The following GABRR2 variants were observed in gnomAD, a reference collection of about 807,000 sequenced individuals.
GABRR2 encodes the protein gamma-aminobutyric acid type A receptor subunit rho2, also known as gamma-aminobutyric acid receptor subunit rho-2.
A neutral mutation model predicts 47.0 loss-of-function variants in GABRR2; 36 were observed. The observed-to-expected ratio is 0.77, with a 90% CI of 0.59 to 1.01. The LOEUF is 1.01. Among genes scored for constraint, GABRR2 ranks in the 50% least tolerant of loss-of-function variants. The pLI, the probability that GABRR2 is intolerant of heterozygous loss-of-function variation, is 0.00. For synonymous variants in GABRR2, 204 were observed against 227.5 expected (o/e 0.90, Z 0.93); for missense variants, 587 against 594.6 (o/e 0.99, Z 0.13).
Position 89,299,749 on chromosome 6 carries a change from ACAGTCCTACCTCCGAAGG to A in GABRR2, c.212_220+9del, listed in dbSNP as rs1774616665. ...ACCTCCCACCTGGCATCAAGGAAGA[ACAGTCCTACCTCCGAAGG>A]CGGGTCTCATGCTGAAGTCGTGCTC... On this transcript the variant is annotated splice_donor_variant and splice_donor_5th_base_variant and coding_sequence_variant and intron_variant, in exon 2 of 9. Coordinates refer to ENST00000402938, the MANE Select transcript of GABRR2 (RefSeq NM_002043.5). LOFTEE classifies it high-confidence loss of function. The A allele has an allele frequency of 6.2e-7, 1 of 1,602,070 alleles. No individual in the cohort carries two copies. Among genetic ancestry groups the A allele is most frequent in the Non-Finnish European group, 8.6e-7 (1 of 1,169,114 alleles).
At chr6:89,302,554 C>G in intron 1 of GABRR2, 4 of 946,600 alleles carry the variant, frequency 4.2e-6, no homozygotes, top group Non-Finnish European at 6.4e-6. Flanking sequence ...GGGTGCCCTT[C>G]CCCTGCCTGC....
intron 8 of GABRR2, among the ~76,000 whole-genome samples, 157 bp downstream of exon 8, chr6:89,264,255 G>A (rs1415791844): frequency 6.6e-6 from 1 of 152,136 alleles, no homozygotes; most frequent in African/African-American, 2.4e-5. Context: ...ATCCTTTGGG[G>A]TAGAAGCCAG....
intron 2 of GABRR2, among the ~76,000 whole-genome samples, chr6:89,292,313 G>A (rs1475563408): frequency 1.4e-5 from 2 of 142,934 alleles, no homozygotes. Flanking sequence ...AGCCGCTGTG[G>A]AAAACAGCAT....
chr6:89,312,076 G>T (rs1429747707), intron 1 of GABRR2, among the ~76,000 whole-genome samples: 2 of 152,182 alleles, frequency 1.3e-5, no homozygotes, highest in African/African-American at 4.8e-5. Flanking sequence ...GCTACAGAGG[G>T]GGCTCCACGT....
At chr6:89,259,607 G>T (rs984945711) in intron 8 of GABRR2, among the ~76,000 whole-genome samples, 4 of 152,002 alleles carry the variant, frequency 2.6e-5, no homozygotes, top group Non-Finnish European at 4.4e-5. Context: ...AGGGTCAAGC[G>T]ATTCTCCTGC....
chr6:89,308,477 T>TA (rs545206293), intron 1 of GABRR2, among the ~76,000 whole-genome samples: 33 of 151,752 alleles, frequency 2.2e-4, no homozygotes, highest in South Asian at 8.3e-4. Flanking sequence ...AGTGTGATAA[T>TA]AAAAAAAAAT....
At chr6:89,292,062 G>A (rs1774450802) in intron 2 of GABRR2, among the ~76,000 whole-genome samples, 1 of 152,044 alleles carries the variant, frequency 6.6e-6, no homozygotes, top group African/African-American at 2.4e-5. Flanking sequence ...GGTCGCTAGG[G>A]CCAAGGACTG....
At chr6:89,299,634 A>G (rs1774614987) in intron 2 of GABRR2, 125 bp downstream of exon 2, 5 of 645,548 alleles carry the variant, frequency 7.7e-6, no homozygotes, top group African/African-American at 3.7e-5. Flanking sequence ...AAATGGAGTC[A>G]GATTTATGTG....
chr6:89,294,807 C>T (rs1774529004), intron 2 of GABRR2, among the ~76,000 whole-genome samples: 1 of 121,592 alleles, frequency 8.2e-6, no homozygotes, highest in Admixed American at 1.0e-4. Flanking sequence ...CACCCCACAA[C>T]AGGCCCTGGT....
chr6:89,263,496 C>T (rs1242849838), intron 8 of GABRR2, among the ~76,000 whole-genome samples: 1 of 152,100 alleles, frequency 6.6e-6, no homozygotes, highest in Non-Finnish European at 1.5e-5. Flanking sequence ...TAGTACAGTA[C>T]AGTACATTAT....
chr6:89,309,399 C>T (rs1171121748), intron 1 of GABRR2, among the ~76,000 whole-genome samples: 1 of 152,030 alleles, frequency 6.6e-6, no homozygotes, highest in Non-Finnish European at 1.5e-5. Context: ...CCTTTCATGG[C>T]TCATTCCCAC....
chr6:89,299,386 A>C (rs1774609886), intron 2 of GABRR2, among the ~76,000 whole-genome samples: 1 of 152,176 alleles, frequency 6.6e-6, no homozygotes, highest in Non-Finnish European at 1.5e-5. Context: ...AGGACTTTTG[A>C]GGATCCTGGG....
intron 8 of GABRR2, among the ~76,000 whole-genome samples, chr6:89,262,724 A>G (rs892961108): frequency 6.6e-5 from 10 of 152,236 alleles, no homozygotes; most frequent in Non-Finnish European, 1.5e-4. Flanking sequence ...TTTAATTTTA[A>G]AAGCTCCCTT....
rs1582443830 is a variant in GABRR2, at chr6:89,271,640, G to GAC, written c.288+14_288+15insGT. 6.2e-7 allele frequency: 1 copy of GAC among 1,606,650 alleles called. No homozygotes were observed. Among genetic ancestry groups the GAC allele is most frequent in the Non-Finnish European group, 8.5e-7 (1 of 1,176,192 alleles). On this transcript the variant is annotated intron_variant, in intron 3 of 8. Transcript: ENST00000402938. ...TACAGGCTCTCACGCTGTGTCACTG[G>GAC]AGGCCGCTGCATACCATGTCCACCT... is the stretch of plus-strand genomic sequence containing the variant.
intron 6 of GABRR2, among the ~76,000 whole-genome samples, chr6:89,266,227 T>C (rs893698403): frequency 6.6e-6 from 1 of 152,196 alleles, no homozygotes; most frequent in African/African-American, 2.4e-5. Flanking sequence ...CATGCCCAGC[T>C]AAATTTTTTT....
intron 1 of GABRR2, among the ~76,000 whole-genome samples, chr6:89,303,648 A>G (rs1251767497): frequency 3.0e-5 from 1 of 33,446 alleles, no homozygotes; most frequent in Non-Finnish European, 5.7e-5. Context: ...CTTAAGGAGG[A>G]AAAAAAAAAA....
chr6:89,302,010 G>A, intron 1 of GABRR2: 2 of 697,386 alleles, frequency 2.9e-6, no homozygotes, highest in Non-Finnish European at 2.6e-6. Context: ...GACAGTGTCG[G>A]CTCGGGGCCT....
At chr6:89,277,805 C>G (rs553564410) in intron 2 of GABRR2, among the ~76,000 whole-genome samples, 8 of 132,574 alleles carry the variant, frequency 6.0e-5, no homozygotes, top group Admixed American at 1.9e-4. Context: ...GGTGACTATC[C>G]CAGGTGTTGG....
At chr6:89,283,414 G>C (rs544076888) in intron 2 of GABRR2, among the ~76,000 whole-genome samples, 3 of 152,184 alleles carry the variant, frequency 2.0e-5, no homozygotes, top group South Asian at 4.1e-4. Context: ...GGCAAATAAA[G>C]TATGATAGAT....
Sources: allele counts gnomAD v4.1 joint callset (sites outside exome capture counted in the v4.1 genomes callset), GRCh38; gene constraint gnomAD v4.1.1; transcripts MANE v1.5; gene names NCBI Gene and HGNC (gene_info 2026-07-23, HGNC 2026-07-21).